EFTUD2: variants seen among roughly 807,000 people sequenced by gnomAD.
EFTUD2 encodes 116 kDa U5 small nuclear ribonucleoprotein component.
Under a neutral mutation model 114.3 loss-of-function variants are expected in EFTUD2, and 9 were observed. The observed-to-expected ratio is 0.08, with a 90% confidence interval of 0.05 to 0.14. EFTUD2 has a LOEUF of 0.14. Among genes scored for constraint, EFTUD2 ranks in the 10% least tolerant of loss-of-function variants. The pLI, the probability that EFTUD2 is intolerant of heterozygous loss-of-function variation, is 1.00. For synonymous variants in EFTUD2, 449 were observed against 462.3 expected (o/e 0.97, Z 0.37); for missense variants, 765 against 1,241.2 (o/e 0.62, Z 5.76).
chr17:44,865,018 A>C lies in EFTUD2; in HGVS notation c.1197T>G (p.Leu399=). ...DTSLPRTLDE[L]GIHLTKEELK... is the part of the protein sequence containing the mutation. The stretch of plus-strand genomic sequence containing the variant: ...GCTCCTCCTTCGTCAGGTGGATGCC[A>C]AGCTCGTCTAGGGTCCGTGGGAGGC... The change falls in exon 14 of 28, where the codon CTT becomes CTG. Residue 399 remains leucine (L), a synonymous_variant. Coordinates refer to ENST00000426333, the MANE Select transcript of EFTUD2 (RefSeq NM_004247.4). The C allele has an allele frequency of 6.2e-7, 1 of 1,614,186 alleles. No homozygotes were observed. The highest frequency in any genetic ancestry group is 8.5e-7 in the Non-Finnish European group (1 of 1,180,042).
At chr17:44,891,425 C>G (rs2051276719) in intron 2 of EFTUD2, among the ~76,000 whole-genome samples, 1 of 152,196 alleles carries the variant, frequency 6.6e-6, no homozygotes, top group Non-Finnish European at 1.5e-5. Context: ...CCATAGCTCA[C>G]CACTACCTCA....
At chr17:44,890,957 TG>T (rs2051268170) in intron 2 of EFTUD2, among the ~76,000 whole-genome samples, 1 of 152,118 alleles carries the variant, frequency 6.6e-6, no homozygotes, top group African/African-American at 2.4e-5. Context: ...GAATGTACAC[TG>T]GATTATTAAT....
At chr17:44,895,215 GC>G (rs1480235674) in intron 1 of EFTUD2, among the ~76,000 whole-genome samples, 13 of 152,268 alleles carry the variant, frequency 8.5e-5, no homozygotes, top group African/African-American at 3.1e-4. Flanking sequence ...TCATTGGGAG[GC>G]CGGGCGCGGT....
At chr17:44,871,295 G>A (rs2050849883) in intron 11 of EFTUD2, among the ~76,000 whole-genome samples, 1 of 151,718 alleles carries the variant, frequency 6.6e-6, no homozygotes, top group Non-Finnish European at 1.5e-5. Context: ...AAAGTCCTGG[G>A]ATTACAGGCG....
Position 44,851,104 on chromosome 17 carries a change from T to G in EFTUD2, c.*170A>C. On this transcript the variant is annotated 3_prime_UTR_variant, in exon 28 of 28. Coordinates refer to ENST00000426333, the MANE Select transcript of EFTUD2 (RefSeq NM_004247.4). ...CAGAAGGAAGCAGGAGGCCAAATGC[T>G]CCTCTCTCACTGGGGCTCTGGGTTG... 1 of 610,674 alleles carries G rather than the reference T, an allele frequency of 1.6e-6. No individual in the cohort carries two copies. The highest frequency in any genetic ancestry group is 2.0e-5 in the South Asian group (1 of 49,724). The allele number at this position is 610,674 out of a possible 1,614,324, so 37.8% of individuals were successfully genotyped here. A position where few individuals can be genotyped will look rare whatever the true frequency, so the allele number is the denominator to read the frequency against.
At chr17:44,853,260 C>A in intron 25 of EFTUD2, 36 bp downstream of exon 25, 2 of 1,606,084 alleles carry the variant, frequency 1.2e-6, no homozygotes, top group South Asian at 2.2e-5. Flanking sequence ...TGCTCTTGCT[C>A]TCAGCACTCT....
chr17:44,860,240 T>A, intron 17 of EFTUD2, 192 bp downstream of exon 17: 1 of 811,770 alleles, frequency 1.2e-6, no homozygotes, highest in Non-Finnish European at 2.0e-6. Context: ...AGGAGGAAAA[T>A]AATAAAAGGC....
intron 3 of EFTUD2, among the ~76,000 whole-genome samples, chr17:44,885,865 G>C (rs1270850956): frequency 6.6e-6 from 1 of 152,014 alleles, no homozygotes; most frequent in Non-Finnish European, 1.5e-5. Context: ...CTGGGTTCAA[G>C]CGATCCTCCT....
intron 3 of EFTUD2, among the ~76,000 whole-genome samples, chr17:44,885,661 A>C (rs2051157480): frequency 6.6e-6 from 1 of 152,138 alleles, no homozygotes; most frequent in African/African-American, 2.4e-5. Context: ...CAAAAGATCA[A>C]TGAAAACTTT....
At chr17:44,877,456 T>G (rs539456399) in intron 9 of EFTUD2, among the ~76,000 whole-genome samples, 2 of 152,170 alleles carry the variant, frequency 1.3e-5, no homozygotes, top group Non-Finnish European at 2.9e-5. Context: ...AACCCAAATA[T>G]CCACAGTGAT....
Position 44,862,739 on chromosome 17 carries a change from C to T in EFTUD2, c.1581G>A (p.Val527=). ...TGGCCACAGAGATCCAAAGGCGGCC[C>T]ACGGTGCATATCTGGGAGTCTTCCT... ...EDEEDSQICT[V]GRLWISVARY... The change falls in exon 16 of 28, where the codon GTG becomes GTA. Residue 527 remains valine (V), a synonymous_variant. Transcript: ENST00000426333. 3.1e-6 allele frequency: 5 copies of T among 1,613,998 alleles called. No individual in the cohort carries two copies. In the South Asian group the frequency reaches 4.4e-5, roughly 14 times the overall value.
At chr17:44,884,519 GA>G (rs35195434) in intron 4 of EFTUD2, among the ~76,000 whole-genome samples, 1,942 of 130,550 alleles carry the variant, frequency 0.015, 37 homozygotes, top group African/African-American at 0.05. Flanking sequence ...ACCCCGCATC[GA>G]AAAAAAAAAA....
chr17:44,855,312 C>T lies in EFTUD2; in HGVS notation c.2046-308G>A, dbSNP rs367963400. Among the ~76,000 whole-genome samples, 10 of 152,276 alleles carry T rather than the reference C, an allele frequency of 6.6e-5. No individual in the cohort carries two copies. In the East Asian group the frequency reaches 1.2e-3, roughly 18 times the overall value. On this transcript the variant is annotated intron_variant, in intron 20 of 27. Coordinates refer to ENST00000426333, the MANE Select transcript of EFTUD2 (RefSeq NM_004247.4). ...GCGCGGTGGCTCACCCCTGTAATCC[C>T]GGCATTTTGGGAGGCCGAGGTGGGC... is the stretch of plus-strand genomic sequence containing the variant.
intron 2 of EFTUD2, among the ~76,000 whole-genome samples, chr17:44,888,813 T>G (rs1295553068): frequency 6.6e-6 from 1 of 151,970 alleles, no homozygotes; most frequent in Non-Finnish European, 1.5e-5. Context: ...TAGGTGTGAG[T>G]TAACGCCAGG....
intron 1 of EFTUD2, among the ~76,000 whole-genome samples, chr17:44,896,973 T>G (rs1049668456): frequency 6.6e-6 from 1 of 152,080 alleles, no homozygotes; most frequent in African/African-American, 2.4e-5. Context: ...TCCCAGCACT[T>G]TGGGAGGCTG....
At position 44,895,223 on chromosome 17, in the gene EFTUD2, C is replaced by T. The variant is rs149448480; in HGVS notation, c.-4-698G>A. On this transcript the variant is annotated intron_variant, in intron 1 of 27. Transcript: ENST00000426333. ...AAAAGTTTCATTGGGAGGCCGGGCG[C>T]GGTGGCGCATGCCTGTAATACCAGC... 6.6e-3 allele frequency among the ~76,000 whole-genome samples: 1,007 copies of T among 152,356 alleles called. 8 individuals carry two copies. Among genetic ancestry groups the T allele is most frequent in the African/African-American group, 0.022 (908 of 41,584 alleles).
intron 8 of EFTUD2, 186 bp downstream of exon 8, chr17:44,880,368 G>T: frequency 2.0e-6 from 1 of 512,728 alleles, no homozygotes. Flanking sequence ...TAGAAGGCCT[G>T]GAGTATGATG....
Position 44,850,432 on chromosome 17 carries a change from A to G in EFTUD2, c.*842T>C, listed in dbSNP as rs778731433. 3.4e-6 allele frequency: 5 copies of G among 1,481,154 alleles called. No homozygotes were observed. In the Admixed American group the frequency reaches 8.6e-5, roughly 26 times the overall value. The allele number at this position is 1,481,154 out of a possible 1,614,324, so 91.8% of individuals were successfully genotyped here. A position where few individuals can be genotyped will look rare whatever the true frequency, so the allele number is the denominator to read the frequency against. ...GGAGCCGGGGCTGTCCAACTCCCCT[A>G]ACTCAATCCCTGGTACATTCCTAAT... On this transcript the variant is annotated 3_prime_UTR_variant, in exon 28 of 28. Transcript: ENST00000426333.
At chr17:44,851,647 G>C in intron 27 of EFTUD2, 63 bp downstream of exon 27, 1 of 1,436,632 alleles carries the variant, frequency 7.0e-7, no homozygotes, top group East Asian at 2.4e-5. Flanking sequence ...GAAAGAGAGA[G>C]AGATCCTGCT....
Sources: gnomAD v4.1 joint callset for allele counts (sites outside exome capture counted in the v4.1 genomes callset) on GRCh38, gnomAD v4.1.1 for gene constraint, MANE v1.5 for transcripts, NCBI Gene and HGNC (gene_info 2026-07-23, HGNC 2026-07-21) for gene names.